BAX: variants seen among roughly 807,000 people sequenced by gnomAD.
BAX encodes the protein apoptosis regulator BAX.
In BAX, 21 loss-of-function variants were observed where a neutral mutation model predicts 26.8. The observed-to-expected ratio is 0.78, with a 90% CI of 0.56 to 1.13. The LOEUF (loss-of-function observed/expected upper bound fraction) is 1.13. BAX is among the 50% of genes most tolerant of loss of function. BAX has a pLI of 0.00. For synonymous variants in BAX, 110 were observed against 101.8 expected (o/e 1.08, Z -0.49); for missense variants, 236 against 254.6 (o/e 0.93, Z 0.50).
In BAX at chr19:48,956,210, C is replaced by G. The variant is rs370634054; in HGVS notation, c.246C>G (p.Ala82=). ...CTCTCTCCTGCAGGATGATTGCCGC[C>G]GTGGACACAGACTCCCCCCGAGAGG... is the stretch of plus-strand genomic sequence containing the variant. ...SNMELQRMIA[A]VDTDSPREVF... The change falls in exon 4 of 6, where the codon GCC becomes GCG. Residue 82 remains alanine, a synonymous_variant. Coordinates refer to ENST00000345358, the MANE Select transcript of BAX (RefSeq NM_138761.4). The G allele has an allele frequency of 5.2e-6, 8 of 1,543,152 alleles. No individual in the cohort carries two copies. In the African/African-American group the frequency reaches 7.1e-5, roughly 14 times the overall value.
In BAX at chr19:48,954,906, A is replaced by C; in HGVS notation, c.-23A>C. On this transcript the variant is annotated 5_prime_UTR_variant, in exon 1 of 6. Transcript: ENST00000345358. The stretch of plus-strand genomic sequence containing the variant: ...CGGCCGCCCGCGCGGACCCGGCGAG[A>C]GGCGGCGGCGGGAGCGGCGGTGATG... 1 of 1,229,900 alleles carries C rather than the reference A, an allele frequency of 8.1e-7. No individual in the cohort carries two copies. The highest frequency in any genetic ancestry group is 1.0e-6 in the Non-Finnish European group (1 of 986,136). The allele number at this position is 1,229,900 out of a possible 1,614,324, so 76.2% of individuals were successfully genotyped here.
intron 4 of BAX, among the ~76,000 whole-genome samples, chr19:48,957,466 A>G (rs1974820): frequency 0.87 from 130,225 of 149,054 alleles, 56,781 homozygotes; most frequent in South Asian, 0.92. Flanking sequence ...GTAGAGACGG[A>G]GTTTCGCCAT....
At chr19:48,957,761 A>G (rs2122361167) in intron 4 of BAX, among the ~76,000 whole-genome samples, 1 of 152,328 alleles carries the variant, frequency 6.6e-6, no homozygotes. Context: ...TTGAAAATGC[A>G]TTCAATGCCC....
intron 1 of BAX, 167 bp from the exon 2 acceptor site, chr19:48,955,381 C>A: frequency 2.8e-6 from 2 of 717,098 alleles, no homozygotes; most frequent in East Asian, 2.9e-5. Flanking sequence ...TGGCCTTTCT[C>A]CATCAGGGAC....
chr19:48,960,942 C>G (rs768343456), intron 5 of BAX, 28 bp downstream of exon 5: 1 of 1,613,154 alleles, frequency 6.2e-7, no homozygotes. Flanking sequence ...TCCTCACCCC[C>G]ACCACCGCGC....
intron 4 of BAX, among the ~76,000 whole-genome samples, chr19:48,959,951 C>G (rs1427139585): frequency 6.7e-6 from 1 of 150,052 alleles, no homozygotes; most frequent in East Asian, 2.0e-4. Context: ...CGAGATTGCG[C>G]CACTGCACTC....
intron 5 of BAX, 103 bp from the exon 6 acceptor site, chr19:48,961,429 C>T (rs774492656): frequency 1.2e-5 from 15 of 1,241,658 alleles, no homozygotes; most frequent in East Asian, 1.0e-4. Flanking sequence ...GTCCCCTGCC[C>T]GCAATCCTGC....
chr19:48,956,420 G>A, intron 4 of BAX, 87 bp downstream of exon 4: 1 of 1,398,714 alleles, frequency 7.1e-7, no homozygotes, highest in South Asian at 1.5e-5. Context: ...CCCCTGCAGT[G>A]GCCCAGTGAC....
At chr19:48,961,474 C>A in intron 5 of BAX, 58 bp from the exon 6 acceptor site, 1 of 1,459,078 alleles carries the variant, frequency 6.9e-7, no homozygotes, top group Non-Finnish European at 9.4e-7. Flanking sequence ...CCCGCCTCTG[C>A]CTGCCCAGGG....
chr19:48,960,066 G>C (rs1209956169), intron 4 of BAX, among the ~76,000 whole-genome samples: 4 of 152,052 alleles, frequency 2.6e-5, no homozygotes, highest in Non-Finnish European at 4.4e-5. Flanking sequence ...TCAGGCCAAA[G>C]CCTGCACACA....
At position 48,955,578 on chromosome 19, in the gene BAX, CAG is replaced by C. The variant is rs771938966; in HGVS notation, c.66_67del (p.Ala24ProfsTer49). On this transcript the variant is annotated frameshift_variant, in exon 2 of 6. Transcript: ENST00000345358. LOFTEE classifies it high-confidence loss of function. ...ACCAGCTCTGAGCAGATCATGAAGA[CAG>C]GGGCCCTTTTGCTTCAGGGGTGAGT... 3 of 1,613,804 alleles carry C rather than the reference CAG, an allele frequency of 1.9e-6. No homozygotes were observed.
At chr19:48,957,923 T>G (rs1478087712) in intron 4 of BAX, among the ~76,000 whole-genome samples, 1 of 152,124 alleles carries the variant, frequency 6.6e-6, no homozygotes, top group African/African-American at 2.4e-5. Context: ...ATTATGAAGA[T>G]TCTCATAAGA....
At position 48,959,088 on chromosome 19, in the gene BAX, C is replaced by T. The variant is rs914438603; in HGVS notation, c.370-1722C>T. Among the ~76,000 whole-genome samples, 56 of 151,680 alleles carry T rather than the reference C, an allele frequency of 3.7e-4. 1 individual carries two copies. The highest frequency in any genetic ancestry group is 1.1e-3 in the African/African-American group (47 of 41,438). On this transcript the variant is annotated intron_variant, in intron 4 of 5. Coordinates refer to ENST00000345358, the MANE Select transcript of BAX (RefSeq NM_138761.4). The stretch of plus-strand genomic sequence containing the variant: ...CTCTCTGGCTGGGCGTGGTGGCTCA[C>T]GCCTGTAATCCCAGCACTTTGGGAG...
intron 4 of BAX, among the ~76,000 whole-genome samples, chr19:48,960,606 G>T (rs914102151): frequency 6.6e-6 from 1 of 152,108 alleles, no homozygotes; most frequent in Non-Finnish European, 1.5e-5. Flanking sequence ...CAAGTGATCC[G>T]CCTGCCTTGG....
chr19:48,960,845 C>T lies in BAX; in HGVS notation c.405C>T (p.Thr135=), dbSNP rs1262858896. The change falls in exon 5 of 6, where the codon ACC becomes ACT. Residue 135 remains threonine (T), a synonymous_variant. Coordinates refer to ENST00000345358, the MANE Select transcript of BAX (RefSeq NM_138761.4). ...CCAAGGTGCCGGAACTGATCAGAAC[C>T]ATCATGGGCTGGACATTGGACTTCC... is the stretch of plus-strand genomic sequence containing the variant. ...LCTKVPELIR[T]IMGWTLDFLR... The T allele has an allele frequency of 5.0e-6, 8 of 1,614,124 alleles. No homozygotes were observed. The highest frequency in any genetic ancestry group is 1.1e-5 in the South Asian group (1 of 91,082).
At position 48,960,193 on chromosome 19, in the gene BAX, T is replaced by A. The variant is rs776829284; in HGVS notation, c.370-617T>A. On this transcript the variant is annotated intron_variant, in intron 4 of 5. Coordinates refer to ENST00000345358, the MANE Select transcript of BAX (RefSeq NM_138761.4). ...ATTATCTTGTTTACAATTTTATTTTTTTTATTTATTTATTTTTTGAGACGG... is the reference window on the plus strand; with the variant it reads ...ATTATCTTGTTTACAATTTTATTTTATTTATTTATTTATTTTTTGAGACGG... The A allele has an allele frequency of 4.5e-4, 201 of 443,266 alleles. 2 individuals are homozygous for A. The highest frequency in any genetic ancestry group is 1.5e-3 in the African/African-American group (75 of 49,340). The allele number at this position is 443,266 out of a possible 1,614,324, so 27.5% of individuals were successfully genotyped here. A position where few individuals can be genotyped will look rare whatever the true frequency, so the allele number is the denominator to read the frequency against.
At chr19:48,961,153 G>A in intron 5 of BAX, 1 of 1,534,236 alleles carries the variant, frequency 6.5e-7, no homozygotes. Flanking sequence ...ACCTCACTGT[G>A]ACCTTGACTT....
At chr19:48,957,268 T>TTC (rs2038176140) in intron 4 of BAX, among the ~76,000 whole-genome samples, 1 of 110,914 alleles carries the variant, frequency 9.0e-6, no homozygotes, top group African/African-American at 3.4e-5. Flanking sequence ...TTCTTTTCTT[T>TTC]TTTTTTTTTT....
At chr19:48,958,092 G>A (rs1352498688) in intron 4 of BAX, among the ~76,000 whole-genome samples, 1 of 42,700 alleles carries the variant, frequency 2.3e-5, no homozygotes, top group Non-Finnish European at 5.2e-5. Flanking sequence ...GTGCGGGGGG[G>A]GCATTTTTTT....
Sources: gnomAD v4.1 joint callset for allele counts (sites outside exome capture counted in the v4.1 genomes callset) on GRCh38, gnomAD v4.1.1 for gene constraint, MANE v1.5 for transcripts, NCBI Gene and HGNC (gene_info 2026-07-23, HGNC 2026-07-21) for gene names.